Variants in ABI3BP observed in about 807,000 individuals in gnomAD.
ABI3BP encodes the protein target of Nesh-SH3.
ABI3BP carries 216 observed loss-of-function variants against 268.6 expected under a neutral mutation model. The observed-to-expected ratio is 0.80, with a 90% CI of 0.72 to 0.90. The LOEUF is 0.90. Among genes scored for constraint, ABI3BP ranks in the 40% least tolerant of loss-of-function variants. The probability of loss-of-function intolerance (pLI) is 0.00; values close to 1 mark genes in which losing one functional copy is unlikely to be tolerated. For synonymous variants in ABI3BP, 730 were observed against 730.0 expected (o/e 1.00, Z 0.00); for missense variants, 2,090 against 2,182.4 (o/e 0.96, Z 0.84).
chr3:100,850,364 G>A (rs2098823871), intron 16 of ABI3BP, among the ~76,000 whole-genome samples: 1 of 152,154 alleles, frequency 6.6e-6, no homozygotes, highest in Non-Finnish European at 1.5e-5. Context: ...AGTGACACAG[G>A]CCACAAACAT....
At chr3:100,920,416 CT>C (rs956799671) in intron 2 of ABI3BP, among the ~76,000 whole-genome samples, 3 of 151,960 alleles carry the variant, frequency 2.0e-5, no homozygotes, top group South Asian at 2.1e-4. Flanking sequence ...ATATTAGCTT[CT>C]TTTTTTTAAA....
intron 51 of ABI3BP, among the ~76,000 whole-genome samples, chr3:100,799,552 C>A (rs1178447202): frequency 6.6e-6 from 1 of 152,142 alleles, no homozygotes; most frequent in African/African-American, 2.4e-5. Flanking sequence ...TGGGCATGCA[C>A]AGTCAAGCTG....
At chr3:100,912,411 G>T (rs188281101) in intron 2 of ABI3BP, among the ~76,000 whole-genome samples, 1 of 150,486 alleles carries the variant, frequency 6.6e-6, no homozygotes, top group Non-Finnish European at 1.5e-5. Context: ...TTAGCAACTT[G>T]TTTCTTAGTT....
At chr3:100,795,178 T>G (rs1321915670) in intron 53 of ABI3BP, among the ~76,000 whole-genome samples, 175 bp from the exon 54 acceptor site, 1 of 152,074 alleles carries the variant, frequency 6.6e-6, no homozygotes, top group African/African-American at 2.4e-5. Flanking sequence ...GGTTCTCAAC[T>G]GTTTTTCCAC....
intron 2 of ABI3BP, among the ~76,000 whole-genome samples, chr3:100,922,626 A>G (rs2060632225): frequency 6.6e-6 from 1 of 152,036 alleles, no homozygotes; most frequent in East Asian, 1.9e-4. Context: ...GGCTTGACCC[A>G]CTGTTGTTGA....
At chr3:100,896,183 T>A (rs1386756816) in intron 4 of ABI3BP, among the ~76,000 whole-genome samples, 1 of 152,116 alleles carries the variant, frequency 6.6e-6, no homozygotes, top group East Asian at 1.9e-4. Context: ...TGTGCCTAAT[T>A]CCATCTATTT....
chr3:100,894,946 A>AAAAAAAAAAAAAAAAAAC (rs2046715960), intron 4 of ABI3BP, among the ~76,000 whole-genome samples: 7 of 104,566 alleles, frequency 6.7e-5, no homozygotes, highest in Non-Finnish European at 1.5e-4. Flanking sequence ...TTCAAAAAAA[A>AAAAAAAAAAAAAAAAAAC]AAAAAAAAAA....
intron 1 of ABI3BP, among the ~76,000 whole-genome samples, chr3:100,940,829 T>TATATAGATATAG (rs1244113888): frequency 2.4e-5 from 1 of 41,232 alleles, no homozygotes; most frequent in East Asian, 9.9e-4. Flanking sequence ...TATATATATA[T>TATATAGATATAG]ATGATATGAT....
chr3:100,804,409 A>T (rs10511185), intron 51 of ABI3BP, among the ~76,000 whole-genome samples: 1 of 152,126 alleles, frequency 6.6e-6, no homozygotes. Flanking sequence ...ATGGCTAAAC[A>T]TCATTGCCTC....
At chr3:100,838,552 A>G in intron 24 of ABI3BP, 88 bp from the exon 25 acceptor site, 1 of 1,126,278 alleles carries the variant, frequency 8.9e-7, no homozygotes, top group Non-Finnish European at 1.3e-6. Flanking sequence ...AAGACACTAT[A>G]TAAATTCAAC....
intron 51 of ABI3BP, among the ~76,000 whole-genome samples, chr3:100,798,220 C>G (rs2097411015): frequency 6.6e-6 from 1 of 152,082 alleles, no homozygotes; most frequent in South Asian, 2.1e-4. Flanking sequence ...AATGTGGATT[C>G]CAGCTGCTAA....
chr3:100,858,620 C>T (rs749743110), intron 14 of ABI3BP, among the ~76,000 whole-genome samples: 1 of 152,100 alleles, frequency 6.6e-6, no homozygotes, highest in African/African-American at 2.4e-5. Flanking sequence ...ATAAACTTTA[C>T]AAAAAGTACG....
At chr3:100,792,521 A>G (rs1278120566) in intron 55 of ABI3BP, among the ~76,000 whole-genome samples, 170 bp downstream of exon 55, 2 of 151,900 alleles carry the variant, frequency 1.3e-5, no homozygotes, top group Non-Finnish European at 1.5e-5. Context: ...CCTACATTCA[A>G]TTGATATTCA....
Position 100,825,829 on chromosome 3 carries a change from A to T in ABI3BP, c.2618T>A (p.Leu873His), listed in dbSNP as rs2098371758. 1 of 1,535,324 alleles carries T rather than the reference A, an allele frequency of 6.5e-7. No homozygotes were observed. Among genetic ancestry groups the T allele is most frequent in the Non-Finnish European group, 8.7e-7 (1 of 1,146,214 alleles). The change falls in exon 35 of 68, where the codon CTC becomes CAC. Residue 873 changes from leucine (L) to histidine (H), a missense_variant. Physicochemically the swap from Leu to His is moderately conservative, Grantham distance 99. Transcript: ENST00000471714. ...CTCAGTTCTAAAAGTAACAGGCTCG[A>T]GGTCTGTAACAGGAACTGAAGTAAT... The part of the protein sequence containing the change: ...PGTTFVPVTD[L>H]EPVTFRTEIP...
At chr3:100,895,120 A>G (rs1056413797) in intron 4 of ABI3BP, among the ~76,000 whole-genome samples, 23 of 151,978 alleles carry the variant, frequency 1.5e-4, no homozygotes, top group African/African-American at 5.3e-4. Context: ...AAAATAAGCT[A>G]TTAATGGTGA....
chr3:100,911,366 C>A, intron 2 of ABI3BP: 1 of 263,842 alleles, frequency 3.8e-6, no homozygotes, highest in East Asian at 1.0e-4. Context: ...AAAATGTTCC[C>A]CTGAGGGTCT....
intron 4 of ABI3BP, among the ~76,000 whole-genome samples, chr3:100,887,613 G>C (rs573578568): frequency 6.6e-6 from 1 of 152,120 alleles, no homozygotes; most frequent in South Asian, 2.1e-4. Context: ...CATACGCATT[G>C]GGTAAACTAT....
chr3:100,841,759 T>C (rs2098706227), intron 21 of ABI3BP, among the ~76,000 whole-genome samples: 2 of 151,828 alleles, frequency 1.3e-5, no homozygotes. Flanking sequence ...GGATGGTGGC[T>C]CAGGCCTGTA....
chr3:100,755,756 G>A (rs1215863737), intron 63 of ABI3BP, among the ~76,000 whole-genome samples: 1 of 152,210 alleles, frequency 6.6e-6, no homozygotes, highest in Non-Finnish European at 1.5e-5. Context: ...GCAGCAAGTG[G>A]ACTTGGCAGT....
Sources: allele counts gnomAD v4.1 joint callset (sites outside exome capture counted in the v4.1 genomes callset), GRCh38; gene constraint gnomAD v4.1.1; transcripts MANE v1.5; gene names NCBI Gene and HGNC (gene_info 2026-07-23, HGNC 2026-07-21).